Variants in KARS1 observed in about 807,000 individuals in gnomAD.
KARS1 encodes lysyl-tRNA synthetase 1.
A neutral mutation model predicts 63.9 loss-of-function variants in KARS1; 50 were observed. The observed-to-expected ratio is 0.78, with a 90% CI of 0.62 to 0.99. KARS1 has a LOEUF of 0.99. Ranked by LOEUF, KARS1 falls within the 50% of genes least tolerant of loss-of-function variation. KARS1 has a pLI of 0.00. For missense variants in KARS1, 816 were observed against 754.5 expected (o/e 1.08, Z -0.95); for synonymous variants, 320 against 264.6 (o/e 1.21, Z -2.03).
intron 2 of KARS1, among the ~76,000 whole-genome samples, chr16:75,641,317 G>A (rs2082221230): frequency 6.6e-6 from 1 of 152,154 alleles, no homozygotes. Flanking sequence ...GGGCCTCAAG[G>A]TCAAGCTAAT....
intron 10 of KARS1, 52 bp downstream of exon 10, chr16:75,631,116 G>A: frequency 1.4e-6 from 2 of 1,434,856 alleles, no homozygotes; most frequent in South Asian, 2.3e-5. Flanking sequence ...AGGGAAGAGG[G>A]AACCATTCAG....
At chr16:75,628,409 G>C (rs2082074728) in intron 13 of KARS1, among the ~76,000 whole-genome samples, 160 bp downstream of exon 13, 1 of 152,198 alleles carries the variant, frequency 6.6e-6, no homozygotes, top group Non-Finnish European at 1.5e-5. Context: ...TTTAAGGTCA[G>C]AGGCTCTGGC....
chr16:75,647,414 G>A (rs953349871), intron 1 of KARS1, 164 bp downstream of exon 1: 7 of 723,292 alleles, frequency 9.7e-6, no homozygotes, highest in African/African-American at 7.0e-5. Context: ...GGGGTATCCC[G>A]GGGTACGTGG....
chr16:75,632,612 A>T lies in KARS1; in HGVS notation c.916-757T>A, dbSNP rs149903238. The stretch of plus-strand genomic sequence containing the variant: ...GTCCTAGCGGCAATGACTTGTGCCT[A>T]GTGCCAGGATTATGAGCTGTAGTAA... On this transcript the variant is annotated intron_variant, in intron 7 of 13. Transcript: ENST00000302445. 4.6e-3 allele frequency among the ~76,000 whole-genome samples: 700 copies of T among 152,362 alleles called. 5 individuals are homozygous for T. Among genetic ancestry groups the T allele is most frequent in the Middle Eastern group, 0.014 (4 of 294 alleles).
intron 1 of KARS1, among the ~76,000 whole-genome samples, chr16:75,643,358 T>C (rs1222779323): frequency 2.0e-5 from 3 of 152,050 alleles, no homozygotes; most frequent in African/African-American, 7.2e-5. Flanking sequence ...AAAAAATGAA[T>C]TGAGGTTTTG....
At chr16:75,641,786 CT>C in intron 1 of KARS1, 63 bp from the exon 2 acceptor site, 2 of 1,560,450 alleles carry the variant, frequency 1.3e-6, no homozygotes, top group Non-Finnish European at 1.8e-6. Context: ...TGTTCTGCCC[CT>C]AGCAACTTAT....
intron 1 of KARS1, among the ~76,000 whole-genome samples, chr16:75,647,080 T>A (rs1368128746): frequency 6.6e-6 from 1 of 152,174 alleles, no homozygotes; most frequent in Non-Finnish European, 1.5e-5. Flanking sequence ...GAATAACCCA[T>A]ACGGGTAGAT....
chr16:75,641,851 A>G (rs2082228883), intron 1 of KARS1, 128 bp from the exon 2 acceptor site: 1 of 882,170 alleles, frequency 1.1e-6, no homozygotes, highest in African/African-American at 1.6e-5. Flanking sequence ...ATACCCCTCA[A>G]TTCCACACCC....
intron 6 of KARS1, chr16:75,635,472 C>T: frequency 1.6e-6 from 1 of 628,982 alleles, no homozygotes; most frequent in Non-Finnish European, 2.9e-6. Flanking sequence ...ATGTGGATGG[C>T]CCTATACCTT....
chr16:75,646,177 T>C (rs2082281402), intron 1 of KARS1, among the ~76,000 whole-genome samples: 1 of 152,208 alleles, frequency 6.6e-6, no homozygotes. Context: ...CCTACCCAAC[T>C]ATAAACTTCG....
intron 1 of KARS1, chr16:75,644,231 T>C: frequency 6.6e-7 from 1 of 1,513,298 alleles, no homozygotes; most frequent in Middle Eastern, 1.7e-4. Context: ...ATGAACCAAG[T>C]AAGGAAATAA....
intron 2 of KARS1, 23 bp from the exon 3 acceptor site, chr16:75,640,372 AG>A: frequency 6.4e-7 from 1 of 1,560,452 alleles, no homozygotes; most frequent in Non-Finnish European, 8.8e-7. Context: ...AAAAAAAAAA[AG>A]CCCTTCAGAA....
chr16:75,647,105 G>A (rs188298134), intron 1 of KARS1, among the ~76,000 whole-genome samples: 263 of 152,266 alleles, frequency 1.7e-3, no homozygotes, highest in African/African-American at 5.9e-3. Context: ...GACAGTTTTA[G>A]AACTGATCCC....
At chr16:75,636,626 T>A in intron 3 of KARS1, 79 bp from the exon 4 acceptor site, 11 of 880,738 alleles carry the variant, frequency 1.2e-5, no homozygotes, top group Non-Finnish European at 1.6e-5. Flanking sequence ...AAAAACTCCC[T>A]CTGCATTTTT....
chr16:75,635,503 G>C lies in KARS1; in HGVS notation c.795+177C>G, dbSNP rs547160519. 134 of 723,212 alleles carry C rather than the reference G, an allele frequency of 1.9e-4. 1 individual carries two copies. Among genetic ancestry groups the C allele is most frequent in the South Asian group, 1.7e-3 (116 of 66,650 alleles). The allele number at this position is 723,212 out of a possible 1,614,324, so 44.8% of individuals were successfully genotyped here. A position where few individuals can be genotyped will look rare whatever the true frequency, so the allele number is the denominator to read the frequency against. On this transcript the variant is annotated intron_variant, in intron 6 of 13. Coordinates refer to ENST00000302445, the MANE Select transcript of KARS1 (RefSeq NM_005548.3). ...ACCTTGTCCATTATCTTGGAAGTCAGGTCCTGCCTTCCTAATCAGGACAAG... is the reference window on the plus strand; with the variant it reads ...ACCTTGTCCATTATCTTGGAAGTCACGTCCTGCCTTCCTAATCAGGACAAG...
At chr16:75,634,117 GT>G (rs780786808) in intron 7 of KARS1, 55 bp downstream of exon 7, 1 of 1,584,520 alleles carries the variant, frequency 6.3e-7, no homozygotes, top group Admixed American at 1.7e-5. Context: ...CATCTAGCCA[GT>G]GGTATTCCAG....
chr16:75,639,027 G>A (rs1404918324), intron 3 of KARS1, among the ~76,000 whole-genome samples: 2 of 151,918 alleles, frequency 1.3e-5, no homozygotes, highest in African/African-American at 4.8e-5. Flanking sequence ...AATTAGCTGG[G>A]CGTGGTGGCA....
At chr16:75,640,604 G>A (rs923563271) in intron 2 of KARS1, among the ~76,000 whole-genome samples, 1 of 152,210 alleles carries the variant, frequency 6.6e-6, no homozygotes, top group Non-Finnish European at 1.5e-5. Flanking sequence ...AATCATAAAA[G>A]TTTAATTTTT....
intron 13 of KARS1, 139 bp downstream of exon 13, chr16:75,628,430 G>T: frequency 1.0e-6 from 1 of 963,616 alleles, no homozygotes; most frequent in Non-Finnish European, 1.6e-6. Context: ...CCTCCTGTGA[G>T]TGGCATGGAA....
Sources: allele counts gnomAD v4.1 joint callset (sites outside exome capture counted in the v4.1 genomes callset), GRCh38; gene constraint gnomAD v4.1.1; transcripts MANE v1.5; gene names NCBI Gene and HGNC (gene_info 2026-07-23, HGNC 2026-07-21).